Variants in APBA2 observed in about 807,000 individuals in gnomAD.
The protein encoded by APBA2 is amyloid-beta A4 precursor protein-binding family A member 2.
A neutral mutation model predicts 75.0 loss-of-function variants in APBA2; 30 were observed. The ratio of observed to expected loss-of-function variants is 0.40; its 90% CI spans 0.30 to 0.54. APBA2 has a LOEUF of 0.54. APBA2 is among the 20% of genes least tolerant of loss of function. The probability of loss-of-function intolerance (pLI) is 0.49; values close to 1 mark genes in which losing one functional copy is unlikely to be tolerated. For synonymous variants in APBA2, 444 were observed against 409.6 expected (o/e 1.08, Z -1.01); for missense variants, 801 against 1,016.1 (o/e 0.79, Z 2.88).
intron 1 of APBA2, among the ~76,000 whole-genome samples, chr15:28,899,897 A>T (rs2032747354): frequency 6.6e-6 from 1 of 152,234 alleles, no homozygotes; most frequent in Non-Finnish European, 1.5e-5. Flanking sequence ...GTAATATACT[A>T]TGAAAAAACC....
chr15:28,975,716 A>G (rs573772713), intron 2 of APBA2, among the ~76,000 whole-genome samples: 22 of 152,398 alleles, frequency 1.4e-4, no homozygotes, highest in Non-Finnish European at 2.8e-4. Context: ...TGAAAAAGCC[A>G]GGTAATAAAC....
At chr15:29,056,614 T>TCCCTCCCTTCCC (rs2041906810) in intron 4 of APBA2, among the ~76,000 whole-genome samples, 1 of 11,418 alleles carries the variant, frequency 8.8e-5, no homozygotes. Flanking sequence ...CCCTCCCTCC[T>TCCCTCCCTTCCC]TCTCTCCCTC....
At chr15:28,930,534 G>A (rs1358475438) in intron 2 of APBA2, among the ~76,000 whole-genome samples, 1 of 152,204 alleles carries the variant, frequency 6.6e-6, no homozygotes, top group Non-Finnish European at 1.5e-5. Flanking sequence ...CCCGGCTGGA[G>A]CCTGACCTGT....
chr15:28,915,595 C>A (rs1325204415), intron 1 of APBA2, among the ~76,000 whole-genome samples: 59 of 151,004 alleles, frequency 3.9e-4, no homozygotes, highest in African/African-American at 1.4e-3. Context: ...TACCACACAC[C>A]GCATTCCACA....
At chr15:28,992,694 G>A (rs1381230178) in intron 2 of APBA2, among the ~76,000 whole-genome samples, 2 of 152,176 alleles carry the variant, frequency 1.3e-5, no homozygotes, top group East Asian at 3.9e-4. Context: ...TCCCAGGGCT[G>A]GGGGCTCAGG....
In APBA2 at chr15:28,941,186, GT is replaced by G. The variant is rs199690641; in HGVS notation, c.-95+19439del. Among the ~76,000 whole-genome samples the G allele has an allele frequency of 7.2e-5, 11 of 152,198 alleles. No homozygotes were observed. The East Asian group carries it at 1.7e-3, about 24-fold the overall frequency. On this transcript the variant is annotated intron_variant, in intron 2 of 14. Coordinates refer to ENST00000683413, the MANE Select transcript of APBA2 (RefSeq NM_001353788.2). ...GCACTACTGGGTGAGCAGGTGGCAGGTTGGGAGGTTCCATGTATAGAGGATG... is the reference window on the plus strand; with the variant it reads ...GCACTACTGGGTGAGCAGGTGGCAGGTGGGAGGTTCCATGTATAGAGGATG...
intron 4 of APBA2, among the ~76,000 whole-genome samples, chr15:29,055,214 C>T (rs1335115234): frequency 6.6e-6 from 1 of 152,140 alleles, no homozygotes; most frequent in Non-Finnish European, 1.5e-5. Flanking sequence ...ACCAGCAGGG[C>T]AGTGGCAAAG....
At chr15:28,972,717 G>C (rs1163198528) in intron 2 of APBA2, among the ~76,000 whole-genome samples, 1 of 152,188 alleles carries the variant, frequency 6.6e-6, no homozygotes, top group Non-Finnish European at 1.5e-5. Flanking sequence ...GTCAGAGGCT[G>C]GACGGCAGAA....
intron 1 of APBA2, among the ~76,000 whole-genome samples, chr15:28,908,198 C>T (rs1318949761): frequency 3.3e-5 from 5 of 152,136 alleles, no homozygotes; most frequent in Admixed American, 6.5e-5. Flanking sequence ...TCAAAGCAGG[C>T]GTGGGCCATC....
intron 3 of APBA2, among the ~76,000 whole-genome samples, chr15:29,026,025 T>C (rs2040206771): frequency 6.6e-6 from 1 of 152,008 alleles, no homozygotes; most frequent in Non-Finnish European, 1.5e-5. Context: ...TGCAGTCTTG[T>C]GGCAGTGGGC....
At chr15:29,012,777 G>C (rs1470408431) in intron 3 of APBA2, among the ~76,000 whole-genome samples, 2 of 152,134 alleles carry the variant, frequency 1.3e-5, no homozygotes, top group Non-Finnish European at 2.9e-5. Context: ...TGCCTTATTA[G>C]CCATAAATTG....
chr15:28,943,822 A>T (rs2152709151), intron 2 of APBA2, among the ~76,000 whole-genome samples: 1 of 152,106 alleles, frequency 6.6e-6, no homozygotes, highest in African/African-American at 2.4e-5. Flanking sequence ...CACCCATTCC[A>T]GACCCAAAGG....
chr15:29,108,906 G>A (rs2044584287), intron 13 of APBA2, among the ~76,000 whole-genome samples: 1 of 152,200 alleles, frequency 6.6e-6, no homozygotes, highest in South Asian at 2.1e-4. Flanking sequence ...AGTGAGTGTG[G>A]TTCTGGCCAA....
At chr15:29,034,079 G>A (rs960093597) in intron 3 of APBA2, among the ~76,000 whole-genome samples, 6 of 151,782 alleles carry the variant, frequency 4.0e-5, no homozygotes, top group Admixed American at 2.6e-4. Context: ...CAGCATCCAA[G>A]TGTGACAGTA....
Position 29,093,103 on chromosome 15 carries a change from C to A in APBA2, c.1098C>A (p.Leu366=). 6.2e-7 allele frequency: 1 copy of A among 1,614,260 alleles called. No homozygotes were observed. The change falls in exon 7 of 15, where the codon CTC becomes CTA. Residue 366 remains leucine (L), a synonymous_variant. Transcript: ENST00000683413. The part of the protein sequence containing the change: ...AVPGPCEPED[L]IDGIIFAANY... Reference sequence around the variant, plus strand: ...CAGGGCCCTGCGAACCAGAAGACCTCATCGACGGGATCATCTTTGCTGCCA... The same window carrying A: ...CAGGGCCCTGCGAACCAGAAGACCTAATCGACGGGATCATCTTTGCTGCCA...
At chr15:29,023,149 C>T (rs2040035352) in intron 3 of APBA2, among the ~76,000 whole-genome samples, 1 of 152,132 alleles carries the variant, frequency 6.6e-6, no homozygotes, top group Non-Finnish European at 1.5e-5. Flanking sequence ...CTCCTTCTTC[C>T]CCTCTTCCTT....
intron 3 of APBA2, among the ~76,000 whole-genome samples, chr15:29,018,551 G>A (rs1016251209): frequency 1.1e-4 from 16 of 152,196 alleles, no homozygotes; most frequent in Non-Finnish European, 2.4e-4. Context: ...AGCATGGGAA[G>A]GGCAGCTGTG....
At chr15:29,047,330 A>G (rs1167264440) in intron 3 of APBA2, among the ~76,000 whole-genome samples, 1 of 152,178 alleles carries the variant, frequency 6.6e-6, no homozygotes, top group Non-Finnish European at 1.5e-5. Context: ...CAAACTCAGG[A>G]AAAGAGCTGC....
intron 4 of APBA2, among the ~76,000 whole-genome samples, chr15:29,058,380 G>A (rs1167092482): frequency 1.3e-5 from 2 of 152,012 alleles, no homozygotes; most frequent in African/African-American, 4.8e-5. Flanking sequence ...GCATGGTAGT[G>A]TGCACCAGTA....
Sources: gnomAD v4.1 joint callset for allele counts (sites outside exome capture counted in the v4.1 genomes callset) on GRCh38, gnomAD v4.1.1 for gene constraint, MANE v1.5 for transcripts, NCBI Gene and HGNC (gene_info 2026-07-23, HGNC 2026-07-21) for gene names.